CHSY3: variants seen among roughly 807,000 people sequenced by gnomAD.
CHSY3 encodes the protein chondroitin sulfate synthase 3.
CHSY3 carries 35 observed loss-of-function variants against 67.2 expected under a neutral mutation model. The observed-to-expected ratio is 0.52, with a 90% CI of 0.40 to 0.69. CHSY3 has a LOEUF of 0.69. Among genes scored for constraint, CHSY3 ranks in the 30% least tolerant of loss-of-function variants. The pLI, the probability that CHSY3 is intolerant of heterozygous loss-of-function variation, is 0.00. For missense variants in CHSY3, 1,069 were observed against 1,138.5 expected, an observed-to-expected ratio of 0.94 and a Z score of 0.88; for synonymous variants, 474 against 434.7, an observed-to-expected ratio of 1.09 and a Z score of -1.12.
intron 2 of CHSY3, among the ~76,000 whole-genome samples, chr5:129,984,014 A>C (rs1763099032): frequency 6.6e-6 from 1 of 152,132 alleles, no homozygotes; most frequent in Non-Finnish European, 1.5e-5. Context: ...AAATTTCACC[A>C]GAAACCTCAT....
chr5:130,026,523 G>A (rs546896946), intron 2 of CHSY3, among the ~76,000 whole-genome samples: 1 of 152,200 alleles, frequency 6.6e-6, no homozygotes, highest in South Asian at 2.1e-4. Flanking sequence ...ATAAATAGCA[G>A]TGATTTATTT....
At chr5:130,143,808 G>GTACA (rs1480395759) in intron 2 of CHSY3, among the ~76,000 whole-genome samples, 4 of 34,070 alleles carry the variant, frequency 1.2e-4, no homozygotes, top group South Asian at 1.4e-3. Flanking sequence ...ATATATATGT[G>GTACA]TGTATATATA....
At chr5:130,003,183 G>C (rs1028293062) in intron 2 of CHSY3, among the ~76,000 whole-genome samples, 1 of 152,118 alleles carries the variant, frequency 6.6e-6, no homozygotes, top group East Asian at 1.9e-4. Flanking sequence ...CATGATAGCC[G>C]AGTATCCATG....
chr5:130,088,378 A>G (rs1156235678), intron 2 of CHSY3, among the ~76,000 whole-genome samples: 1 of 147,770 alleles, frequency 6.8e-6, no homozygotes, highest in East Asian at 1.9e-4. Context: ...TAAACTAAAG[A>G]TCTAATTAAA....
At chr5:129,980,295 C>T (rs1762945139) in intron 2 of CHSY3, among the ~76,000 whole-genome samples, 1 of 152,182 alleles carries the variant, frequency 6.6e-6, no homozygotes, top group Non-Finnish European at 1.5e-5. Context: ...ATAGTAGTAT[C>T]TCATTCTTGT....
At chr5:130,012,486 G>T (rs1344741113) in intron 2 of CHSY3, among the ~76,000 whole-genome samples, 1 of 152,148 alleles carries the variant, frequency 6.6e-6, no homozygotes, top group African/African-American at 2.4e-5. Context: ...ATAAAGAAAA[G>T]AGGTTTAATT....
intron 2 of CHSY3, among the ~76,000 whole-genome samples, chr5:130,010,171 A>T (rs1764011829): frequency 6.6e-6 from 1 of 152,170 alleles, no homozygotes; most frequent in South Asian, 2.1e-4. Flanking sequence ...CAACAAAAAG[A>T]GAATATATAT....
chr5:129,926,736 G>A (rs922447169), intron 2 of CHSY3, among the ~76,000 whole-genome samples: 5 of 151,528 alleles, frequency 3.3e-5, no homozygotes, highest in South Asian at 4.2e-4. Context: ...GTTATTGAGC[G>A]TTTGCTCTTC....
intron 2 of CHSY3, among the ~76,000 whole-genome samples, chr5:130,072,155 T>A (rs1766094701): frequency 6.6e-6 from 1 of 152,118 alleles, no homozygotes; most frequent in Non-Finnish European, 1.5e-5. Context: ...GGTTGTCTCA[T>A]CACATTGTTG....
intron 2 of CHSY3, among the ~76,000 whole-genome samples, chr5:130,073,055 AGAG>A (rs1485787933): frequency 1.3e-5 from 2 of 152,154 alleles, no homozygotes; most frequent in Non-Finnish European, 2.9e-5. Context: ...CAGTTAGACT[AGAG>A]GAATAACTTT....
chr5:130,056,598 A>G (rs1765538928), intron 2 of CHSY3, among the ~76,000 whole-genome samples: 1 of 152,238 alleles, frequency 6.6e-6, no homozygotes. Flanking sequence ...AATAAAAAAG[A>G]CACTACTAAG....
At chr5:130,171,831 A>G (rs1176901400) in intron 2 of CHSY3, among the ~76,000 whole-genome samples, 1 of 152,252 alleles carries the variant, frequency 6.6e-6, no homozygotes, top group African/African-American at 2.4e-5. Flanking sequence ...ACAGAGCATT[A>G]GTACAGAGCT....
intron 2 of CHSY3, among the ~76,000 whole-genome samples, chr5:130,023,714 A>G (rs1182248787): frequency 1.3e-5 from 2 of 152,006 alleles, no homozygotes; most frequent in East Asian, 1.9e-4. Flanking sequence ...AGTTCTGAGT[A>G]CAGTGCTGAA....
At chr5:129,981,178 G>A (rs1269954553) in intron 2 of CHSY3, among the ~76,000 whole-genome samples, 1 of 151,674 alleles carries the variant, frequency 6.6e-6, no homozygotes, top group South Asian at 2.1e-4. Flanking sequence ...CCGAGATTGC[G>A]CCACTGCACT....
chr5:129,953,193 T>C (rs1762074308), intron 2 of CHSY3, among the ~76,000 whole-genome samples: 1 of 152,156 alleles, frequency 6.6e-6, no homozygotes, highest in Non-Finnish European at 1.5e-5. Flanking sequence ...TGTGTTCTTA[T>C]TGTTCAACTC....
intron 2 of CHSY3, among the ~76,000 whole-genome samples, chr5:130,010,840 T>G (rs1246431381): frequency 6.6e-6 from 1 of 152,074 alleles, no homozygotes; most frequent in Admixed American, 6.6e-5. Context: ...GAGAGTATTA[T>G]GAACAACTCT....
chr5:129,931,717 A>G (rs1761315358), intron 2 of CHSY3, among the ~76,000 whole-genome samples: 1 of 152,060 alleles, frequency 6.6e-6, no homozygotes, highest in Admixed American at 6.6e-5. Context: ...TTTTGTTCTC[A>G]TGCATATAGA....
intron 2 of CHSY3, among the ~76,000 whole-genome samples, chr5:130,118,501 G>A (rs185807854): frequency 0.01 from 1,440 of 140,824 alleles, 20 homozygotes; most frequent in African/African-American, 0.034. Context: ...GTGTGTGTGT[G>A]TATATATATA....
At chr5:129,972,244 A>G (rs753709219) in intron 2 of CHSY3, among the ~76,000 whole-genome samples, 3 of 151,998 alleles carry the variant, frequency 2.0e-5, no homozygotes, top group Non-Finnish European at 4.4e-5. Context: ...TTATCTCCAG[A>G]TTTTCCACTC....
Sources: allele counts gnomAD v4.1 joint callset (sites outside exome capture counted in the v4.1 genomes callset), GRCh38; gene constraint gnomAD v4.1.1; transcripts MANE v1.5; gene names NCBI Gene and HGNC (gene_info 2026-07-23, HGNC 2026-07-21).